ARHGAP8: variants seen among roughly 807,000 people sequenced by gnomAD.
The protein encoded by ARHGAP8 is Rho GTPase activating protein 8.
ARHGAP8 carries 62 observed loss-of-function variants against 46.1 expected under a neutral mutation model. The ratio of observed to expected loss-of-function variants is 1.34; its 90% CI spans 1.10 to 1.66. The LOEUF is 1.66. Among genes scored for constraint, ARHGAP8 ranks in the 40% most tolerant of loss-of-function variants. ARHGAP8 has a pLI of 0.00. For synonymous variants in ARHGAP8, 375 were observed against 243.1 expected (o/e 1.54, Z -5.05); for missense variants, 923 against 568.4 (o/e 1.62, Z -6.34).
At chr22:44,803,495 C>G (rs1204249629) in intron 3 of ARHGAP8, among the ~76,000 whole-genome samples, 1 of 152,050 alleles carries the variant, frequency 6.6e-6, no homozygotes. Context: ...GGGTCTACAC[C>G]TTCTGTTCCC....
intron 10 of ARHGAP8, among the ~76,000 whole-genome samples, chr22:44,854,471 G>T (rs2070173568): frequency 6.6e-6 from 1 of 151,874 alleles, no homozygotes; most frequent in African/African-American, 2.4e-5. Context: ...GACCTCAAAT[G>T]ATCCACCCAC....
At chr22:44,762,874 TG>T (rs533315484) in intron 1 of ARHGAP8, among the ~76,000 whole-genome samples, 178 of 152,194 alleles carry the variant, frequency 1.2e-3, no homozygotes, top group Non-Finnish European at 2.1e-3. Context: ...TACCTGAGTT[TG>T]TACTGTAATG....
intron 7 of ARHGAP8, among the ~76,000 whole-genome samples, chr22:44,825,805 T>C (rs1282676646): frequency 1.7e-4 from 22 of 129,436 alleles, no homozygotes; most frequent in African/African-American, 3.8e-4. Context: ...CGGTGCCTGG[T>C]TGGGGGGCGC....
chr22:44,814,336 C>A (rs372133592), intron 4 of ARHGAP8, among the ~76,000 whole-genome samples: 9 of 152,218 alleles, frequency 5.9e-5, no homozygotes, highest in Non-Finnish European at 8.8e-5. Flanking sequence ...AGGCTCTGTG[C>A]GGTTTTAATT....
intron 7 of ARHGAP8, among the ~76,000 whole-genome samples, chr22:44,842,842 C>T (rs1931743241): frequency 6.6e-6 from 1 of 152,178 alleles, no homozygotes; most frequent in Non-Finnish European, 1.5e-5. Context: ...TGCAAAGGCT[C>T]ACATCACAGT....
chr22:44,825,511 G>A lies in ARHGAP8; in HGVS notation c.514G>A (p.Glu172Lys), dbSNP rs758070305. The A allele has an allele frequency of 2.6e-5, 42 of 1,613,244 alleles. No homozygotes were observed. Among genetic ancestry groups the A allele is most frequent in the Middle Eastern group, 1.6e-4 (1 of 6,082 alleles). The change falls in exon 7 of 12, where the codon GAG (glutamate) becomes AAG (lysine). Residue 172 changes from glutamate (E) to lysine (K), a missense_variant. Coordinates refer to ENST00000356099, the MANE Select transcript of ARHGAP8 (RefSeq NM_181335.3). ...RYDEKLQSLH[E>K]GRTPPPTKTP... Reference sequence around the variant, plus strand: ...CGATGAGAAGCTCCAGAGCCTGCACGAGGGCCGGACGCCGCCTCCCACCAA... The same window carrying A: ...CGATGAGAAGCTCCAGAGCCTGCACAAGGGCCGGACGCCGCCTCCCACCAA...
chr22:44,790,452 G>T (rs375419929), intron 2 of ARHGAP8, among the ~76,000 whole-genome samples: 37 of 151,992 alleles, frequency 2.4e-4, no homozygotes, highest in African/African-American at 8.2e-4. Flanking sequence ...AAGGAAGGCG[G>T]GTCACCTGAG....
At chr22:44,825,403 G>C (rs1029048490) in intron 6 of ARHGAP8, 80 bp from the exon 7 acceptor site, 1 of 1,488,666 alleles carries the variant, frequency 6.7e-7, no homozygotes, top group African/African-American at 1.4e-5. Flanking sequence ...CTGCAGGTGG[G>C]GCATCCAGCC....
intron 5 of ARHGAP8, among the ~76,000 whole-genome samples, chr22:44,821,258 C>T (rs6007307): frequency 0.58 from 88,375 of 151,608 alleles, 26,390 homozygotes; most frequent in Middle Eastern, 0.69. Flanking sequence ...GTTGAAACCC[C>T]GTCTCTACTA....
At chr22:44,774,327 G>C (rs1311919160) in intron 1 of ARHGAP8, among the ~76,000 whole-genome samples, 1 of 152,202 alleles carries the variant, frequency 6.6e-6, no homozygotes, top group Non-Finnish European at 1.5e-5. Context: ...TGAGAAGGTA[G>C]TGAGTGTCCT....
At position 44,859,821 on chromosome 22, in the gene ARHGAP8, G is replaced by A. The variant is rs1601534052; in HGVS notation, c.968G>A (p.Gly323Asp). The A allele has an allele frequency of 6.2e-7, 1 of 1,613,784 alleles. No individual in the cohort carries two copies. Among genetic ancestry groups the A allele is most frequent in the Non-Finnish European group, 8.5e-7 (1 of 1,179,932 alleles). ...TACGTCGTCCTCCGCTACCTCATGG[G>A]CTTCCTGCATGCGGTGAGTGGGGAA... ...HNYVVLRYLM[G>D]FLHAVSRESI... The change falls in exon 11 of 12, where the codon GGC (glycine) becomes GAC (aspartate). Residue 323 changes from glycine (G) to aspartate (D), a missense_variant. Physicochemically the swap from Gly to Asp is moderately conservative, Grantham distance 94. Transcript: ENST00000356099.
In ARHGAP8 at chr22:44,841,019, G is replaced by T. The variant is rs193262613; in HGVS notation, c.597-4250G>T. Among the ~76,000 whole-genome samples the T allele has an allele frequency of 1.5e-3, 233 of 152,296 alleles. 2 individuals carry two copies. The highest frequency in any genetic ancestry group is 5.3e-3 in the African/African-American group (220 of 41,570). ...ATGGCCCCAAAACTTGGCTCTGCAG[G>T]CCTCATACATGCAGGGCTGCCTTTC... On this transcript the variant is annotated intron_variant, in intron 7 of 11. Transcript: ENST00000356099.
chr22:44,778,175 C>A (rs1422872808), intron 1 of ARHGAP8, among the ~76,000 whole-genome samples: 1 of 152,070 alleles, frequency 6.6e-6, no homozygotes, highest in Non-Finnish European at 1.5e-5. Context: ...TTATCCCTCA[C>A]CCCCTTCCCA....
chr22:44,814,413 C>T (rs946787565), intron 4 of ARHGAP8, among the ~76,000 whole-genome samples: 2 of 152,152 alleles, frequency 1.3e-5, no homozygotes, highest in African/African-American at 4.8e-5. Flanking sequence ...TGTGAGTGAG[C>T]GCCTATAAAC....
At chr22:44,758,036 C>T (rs958639715) in intron 1 of ARHGAP8, among the ~76,000 whole-genome samples, 6 of 152,024 alleles carry the variant, frequency 3.9e-5, no homozygotes, top group African/African-American at 7.2e-5. Context: ...CAGAGGGAGT[C>T]GGAACAGGTG....
At position 44,862,472 on chromosome 22, in the gene ARHGAP8, A is replaced by C. The variant is rs759886859; in HGVS notation, c.1179A>C (p.Ala393=). 4 of 1,613,986 alleles carry C rather than the reference A, an allele frequency of 2.5e-6. No individual in the cohort carries two copies. In the South Asian group the frequency reaches 3.3e-5, roughly 13 times the overall value. Residue 393 remains alanine (A), a synonymous_variant, in exon 12 of 12, where the codon GCA becomes GCC. Transcript: ENST00000356099. Reference sequence around the variant, plus strand: ...AGGCACCTGGGGAGCACGGCCTGGCACCATGGGAACAGGGGAGCAGGGCAG... The same window carrying C: ...AGGCACCTGGGGAGCACGGCCTGGCCCCATGGGAACAGGGGAGCAGGGCAG... ...TPEAPGEHGL[A]PWEQGSRAAP...
At chr22:44,833,807 T>G (rs62232217) in intron 7 of ARHGAP8, among the ~76,000 whole-genome samples, 2,114 of 152,312 alleles carry the variant, frequency 0.014, 16 homozygotes, top group Admixed American at 0.021. Flanking sequence ...GTGGGAAGTT[T>G]TAAAATTACT....
At chr22:44,859,979 AC>A in intron 11 of ARHGAP8, 145 bp downstream of exon 11, 1 of 1,013,888 alleles carries the variant, frequency 9.9e-7, no homozygotes, top group Non-Finnish European at 1.4e-6. Flanking sequence ...CCCCCCAAGG[AC>A]CTCATCCAAG....
intron 8 of ARHGAP8, 112 bp from the exon 9 acceptor site, chr22:44,847,861 T>G (rs985713569): frequency 1.5e-6 from 2 of 1,354,848 alleles, no homozygotes; most frequent in Non-Finnish European, 2.0e-6. Flanking sequence ...CAAATAAATG[T>G]GTGGAGGCCA....
Sources: allele counts gnomAD v4.1 joint callset (sites outside exome capture counted in the v4.1 genomes callset), GRCh38; gene constraint gnomAD v4.1.1; transcripts MANE v1.5; gene names NCBI Gene and HGNC (gene_info 2026-07-23, HGNC 2026-07-21).